NIBAN3: variants seen among roughly 807,000 people sequenced by gnomAD.
NIBAN3 encodes protein Niban 3.
In NIBAN3, 66 loss-of-function variants were observed where a neutral mutation model predicts 76.4. The observed-to-expected ratio is 0.86, with a 90% CI of 0.71 to 1.06. NIBAN3 has a LOEUF of 1.06. Ranked by LOEUF, NIBAN3 falls within the 50% of genes least tolerant of loss-of-function variation. The pLI is 0.00. For synonymous variants in NIBAN3, 360 were observed against 355.2 expected, an observed-to-expected ratio of 1.01 and a Z score of -0.15; for missense variants, 808 against 810.7, an observed-to-expected ratio of 1.00 and a Z score of 0.04.
chr19:17,540,404 G>A lies in NIBAN3; in HGVS notation c.992G>A (p.Gly331Glu), dbSNP rs934921674. 2.0e-6 allele frequency: 3 copies of A among 1,499,594 alleles called. No homozygotes were observed. The highest frequency in any genetic ancestry group is 2.6e-5 in the South Asian group (2 of 76,396). The allele number at this position is 1,499,594 out of a possible 1,614,324, so 92.9% of individuals were successfully genotyped here. A position where few individuals can be genotyped will look rare whatever the true frequency, so the allele number is the denominator to read the frequency against. Residue 331 changes from glycine (G) to glutamate (E), a missense_variant, in exon 9 of 15, where the codon GGA becomes GAA. By Grantham distance (98) the Gly-to-Glu change is moderately conservative. Transcript: ENST00000599164. ...CTTCCACTCCCAGCGGATATCAGGG[G>A]ACCGCTCGAGTCGTGCCTGCGCCGG... ...VAGRLRTDIRGPLESCLRREV... is the reference protein window; with the variant it reads ...VAGRLRTDIREPLESCLRREV...
At chr19:17,550,843 C>CATTTT (rs34977620) in intron 14 of NIBAN3, among the ~76,000 whole-genome samples, 1 of 91,550 alleles carries the variant, frequency 1.1e-5, no homozygotes, top group African/African-American at 4.1e-5. Flanking sequence ...CTTGTACATA[C>CATTTT]TTTTTTTTTT....
Position 17,537,338 on chromosome 19 carries a change from T to C in NIBAN3, c.428-38T>C, listed in dbSNP as rs111743501. On this transcript the variant is annotated intron_variant, in intron 4 of 14. Coordinates refer to ENST00000599164, the MANE Select transcript of NIBAN3 (RefSeq NM_001321827.2). Reference sequence around the variant, plus strand: ...TTCAGGGGTATTTTCTCCTAGTGAATGAACGTCTAGAAGATGCGACCTCCT... The same window carrying C: ...TTCAGGGGTATTTTCTCCTAGTGAACGAACGTCTAGAAGATGCGACCTCCT... 112 of 1,597,836 alleles carry C rather than the reference T, an allele frequency of 7.0e-5. No individual in the cohort carries two copies. The African/African-American group carries it at 1.4e-3, about 19-fold the overall frequency.
chr19:17,553,821 A>G (rs2076192168), downstream of NIBAN3: 7 of 364,950 alleles, frequency 1.9e-5, no homozygotes, highest in South Asian at 3.4e-4. Flanking sequence ...CTTACTTAAT[A>G]TGAAAAGACC....
Position 17,543,631 on chromosome 19 carries a change from G to A in NIBAN3, c.1554G>A (p.Lys518=). Residue 518 remains lysine, a splice_region_variant and synonymous_variant, in exon 12 of 15, where the codon AAG becomes AAA. Coordinates refer to ENST00000599164, the MANE Select transcript of NIBAN3 (RefSeq NM_001321827.2). ...VLSQLEPGCK[K]ELPEFEGDVL... ...GCCAACTCGAGCCAGGCTGCAAAAA[G>A]GTGAGTTAATGGGAAGTGTGCAAGA... 1.2e-6 allele frequency: 2 copies of A among 1,611,702 alleles called. No homozygotes were observed. The highest frequency in any genetic ancestry group is 1.7e-6 in the Non-Finnish European group (2 of 1,178,634).
chr19:17,528,079 T>G (rs1388542289), intron 1 of NIBAN3, among the ~76,000 whole-genome samples: 3 of 151,820 alleles, frequency 2.0e-5, no homozygotes, highest in African/African-American at 7.3e-5. Context: ...TATGGTTTTT[T>G]TTTTGTTTGT....
rs906722076 is a variant in NIBAN3 at position 17,543,612 on chromosome 19, T to G, written c.1535T>G (p.Leu512Arg). The stretch of plus-strand genomic sequence containing the variant: ...TTTTTACCTTTTGTGCTGAGCCAAC[T>G]CGAGCCAGGCTGCAAAAAGGTGAGT... Reference protein sequence around the residue: ...CIFLPFVLSQLEPGCKKELPE... With the variant: ...CIFLPFVLSQREPGCKKELPE... Residue 512 changes from leucine (L) to arginine (R), a missense_variant, in exon 12 of 15, where the codon CTC becomes CGC. Transcript: ENST00000599164. 6.2e-7 allele frequency: 1 copy of G among 1,613,676 alleles called. No homozygotes were observed. The highest frequency in any genetic ancestry group is 8.5e-7 in the Non-Finnish European group (1 of 1,179,716).
chr19:17,540,540 C>A lies in NIBAN3; in HGVS notation c.1128C>A (p.His376Gln). The A allele has an allele frequency of 6.4e-7, 1 of 1,564,682 alleles. No homozygotes were observed. The highest frequency in any genetic ancestry group is 8.7e-7 in the Non-Finnish European group (1 of 1,154,958). Residue 376 changes from histidine (H) to glutamine (Q), a missense_variant, in exon 9 of 15, where the codon CAC becomes CAA. His to Gln is a conservative substitution (Grantham distance 24). Transcript: ENST00000599164. Reference sequence around the variant, plus strand: ...CTCAAGGCATGGACCGACTGTCCCACCGCCTGCGCCAGAGCCCCTCAGGCA... The same window carrying A: ...CTCAAGGCATGGACCGACTGTCCCAACGCCTGCGCCAGAGCCCCTCAGGCA... ...LLAQGMDRLS[H>Q]RLRQSPSGTR...
intron 11 of NIBAN3, 39 bp downstream of exon 11, chr19:17,543,472 G>A: frequency 1.2e-6 from 2 of 1,610,496 alleles, no homozygotes; most frequent in Non-Finnish European, 1.7e-6. Context: ...GGGTGGCAGT[G>A]GGCCTGGGTG....
chr19:17,527,259 C>T (rs1216234124), upstream of NIBAN3: 30 of 1,550,042 alleles, frequency 1.9e-5, no homozygotes, highest in Non-Finnish European at 2.4e-5. Flanking sequence ...GCCTCTCACC[C>T]GCCATCCAGG....
At chr19:17,545,024 G>A (rs1480232850) in intron 12 of NIBAN3, among the ~76,000 whole-genome samples, 1 of 152,020 alleles carries the variant, frequency 6.6e-6, no homozygotes, top group African/African-American at 2.4e-5. Context: ...TTCGCCAGAT[G>A]TGGTGGTGCA....
chr19:17,551,177 C>G (rs974187561), intron 14 of NIBAN3, among the ~76,000 whole-genome samples: 1 of 151,912 alleles, frequency 6.6e-6, no homozygotes, highest in African/African-American at 2.4e-5. Context: ...CTCACTGTAA[C>G]CTCCACCTTG....
At chr19:17,549,607 G>A (rs1381446990) in intron 14 of NIBAN3, 80 bp downstream of exon 14, 4 of 1,108,494 alleles carry the variant, frequency 3.6e-6, no homozygotes, top group Non-Finnish European at 5.5e-6. Context: ...GGGTGTATGG[G>A]ATTGTCATGA....
rs796579063 is a variant in NIBAN3, at chr19:17,532,972, G to GA, written c.312+593dup. Among the ~76,000 whole-genome samples the GA allele has an allele frequency of 1.8e-3, 262 of 149,702 alleles. 1 individual carries two copies. The highest frequency in any genetic ancestry group is 6.0e-3 in the African/African-American group (244 of 40,818). ...TAGGATGGATGGAGGGAGAGAGGAGGAAAAAAAAAGGGAGGGAGAGCCGGG... is the reference window on the plus strand; with the variant it reads ...TAGGATGGATGGAGGGAGAGAGGAGGAAAAAAAAAAGGGAGGGAGAGCCGGG... On this transcript the variant is annotated intron_variant, in intron 3 of 14. Transcript: ENST00000599164.
chr19:17,555,203 G>T (rs1304223687), downstream of NIBAN3, among the ~76,000 whole-genome samples: 1 of 152,146 alleles, frequency 6.6e-6, no homozygotes, highest in African/African-American at 2.4e-5. Context: ...GTCTGTGGAC[G>T]TCATGACCTT....
In NIBAN3 at chr19:17,543,000, G is replaced by T. The variant is rs1362946426; in HGVS notation, c.1330-317G>T. ...CAGCACTACCTGGCACAGTTGTTCA[G>T]TTTGTGCACTGCACAAAAGCACTCA... is the stretch of plus-strand genomic sequence containing the variant. On this transcript the variant is annotated intron_variant, in intron 10 of 14. Transcript: ENST00000599164. This position sits in a 1 kb window ranked among gnomAD's most constrained non-coding sequence, Gnocchi z 4.8. Among the ~76,000 whole-genome samples, 3 of 152,208 alleles carry T rather than the reference G, an allele frequency of 2.0e-5. No individual in the cohort carries two copies. Among genetic ancestry groups the T allele is most frequent in the Admixed American group, 1.3e-4 (2 of 15,272 alleles).
intron 14 of NIBAN3, among the ~76,000 whole-genome samples, chr19:17,551,374 C>T (rs557991982): frequency 9.2e-5 from 14 of 151,762 alleles, no homozygotes; most frequent in South Asian, 2.1e-4. Context: ...GGATTACAAG[C>T]GTGAGCCACT....
chr19:17,545,807 C>A, intron 12 of NIBAN3: 1 of 247,906 alleles, frequency 4.0e-6, no homozygotes, highest in South Asian at 4.1e-5. Flanking sequence ...ACCACTGAAG[C>A]ACAGCATCAC....
In NIBAN3 at chr19:17,546,748, C is replaced by T; in HGVS notation, c.1617C>T (p.Gly539=). The change falls in exon 13 of 15, where the codon GGC becomes GGT. Residue 539 remains glycine, a synonymous_variant. Transcript: ENST00000599164. Reference sequence around the variant, plus strand: ...GCAGCCAGGCTCTGACCACTGAGGGCATCTATGAGGACGTCATCCGGGGGT... The same window carrying T: ...GCAGCCAGGCTCTGACCACTGAGGGTATCTATGAGGACGTCATCCGGGGGT... ...AVGSQALTTE[G]IYEDVIRGCL... 6.2e-7 allele frequency: 1 copy of T among 1,605,894 alleles called. No individual in the cohort carries two copies. The highest frequency in any genetic ancestry group is 8.5e-7 in the Non-Finnish European group (1 of 1,176,984).
chr19:17,533,540 CA>C, intron 3 of NIBAN3, 46 bp from the exon 4 acceptor site: 1 of 1,346,822 alleles, frequency 7.4e-7, no homozygotes. Context: ...ACACAGAAGC[CA>C]CAGTTCAGAC....
Sources: gnomAD v4.1 joint callset for allele counts (sites outside exome capture counted in the v4.1 genomes callset) on GRCh38, gnomAD v4.1.1 for gene constraint, Gnocchi (gnomAD v3.1) non-coding constraint, MANE v1.5 for transcripts, NCBI Gene and HGNC (gene_info 2026-07-23, HGNC 2026-07-21) for gene names.